MUC22: variants seen among roughly 807,000 people sequenced by gnomAD.
MUC22 encodes mucin-22.
MUC22 carries 24 observed loss-of-function variants against 40.3 expected under a neutral mutation model. The ratio of observed to expected loss-of-function variants is 0.60; its 90% CI spans 0.43 to 0.84. The LOEUF is 0.84. Among genes scored for constraint, MUC22 ranks in the 40% least tolerant of loss-of-function variants. The pLI, the probability that MUC22 is intolerant of heterozygous loss-of-function variation, is 0.00. For missense variants in MUC22, 1,926 were observed against 2,130.7 expected, an observed-to-expected ratio of 0.90 and a Z score of 1.89; for synonymous variants, 765 against 844.5, an observed-to-expected ratio of 0.91 and a Z score of 1.63.
intron 1 of MUC22, among the ~76,000 whole-genome samples, chr6:31,013,515 G>A (rs1047106710): frequency 6.6e-5 from 10 of 152,068 alleles, no homozygotes; most frequent in Admixed American, 3.3e-4. Flanking sequence ...TATTGTATTA[G>A]GTAATGGATG....
exon 2 of MUC22, chr6:31,029,350 A>G: frequency 6.5e-7 from 1 of 1,534,910 alleles, no homozygotes; most frequent in Non-Finnish European, 8.7e-7. Context: ...TGAGACTACC[A>G]CCACCTCTAC....
At chr6:31,014,851 ACAGT>A (rs1359411904) in intron 1 of MUC22, among the ~76,000 whole-genome samples, 1 of 152,174 alleles carries the variant, frequency 6.6e-6, no homozygotes. Flanking sequence ...ATTTTATGAT[ACAGT>A]CAGTCAAAGT....
At position 31,027,769 on chromosome 6, in the gene MUC22, A is replaced by G. The variant is rs1285134554; in HGVS notation, c.2338A>G (p.Thr780Ala). The change falls in exon 2 of 4, where the codon ACT (threonine) becomes GCT (alanine). Residue 780 changes from threonine (T) to alanine (A), a missense_variant. This residue lies in a region of MUC22 where 1,281 missense variants were observed against 1,337.8 expected (regional missense o/e 0.96). Transcript: ENST00000561890. ...AGGCTCTGAGATGACCACAGTCTCT[A>G]CTGAAGGCTCTGAGAACACTACAGT... is the stretch of plus-strand genomic sequence containing the variant. The G allele has an allele frequency of 8.5e-6, 13 of 1,531,766 alleles. 1 individual carries two copies. In the East Asian group the frequency reaches 3.0e-4, roughly 35 times the overall value. The allele number at this position is 1,531,766 out of a possible 1,614,324, so 94.9% of individuals were successfully genotyped here.
At chr6:31,010,858 G>T in intron 1 of MUC22, 82 bp downstream of exon 1, 1 of 662,284 alleles carries the variant, frequency 1.5e-6, no homozygotes, top group Non-Finnish European at 2.7e-6. Context: ...CCCTGCCCAG[G>T]CATGACTCTT....
chr6:31,020,489 G>A lies in MUC22; in HGVS notation c.71-5013G>A, dbSNP rs528091199. 6.8e-5 allele frequency among the ~76,000 whole-genome samples: 9 copies of A among 132,210 alleles called. No homozygotes were observed. In the South Asian group the frequency reaches 2.1e-3, roughly 31 times the overall value. 86.7% of individuals were successfully genotyped at this position (132,210 alleles called of 152,430 possible). Reference sequence around the variant, plus strand: ...ACGGAGTTTCGCTCTTGTTGCCCCAGGCTGGAGCGTAATGGCACGATCTTG... The same window carrying A: ...ACGGAGTTTCGCTCTTGTTGCCCCAAGCTGGAGCGTAATGGCACGATCTTG... On this transcript the variant is annotated intron_variant, in intron 1 of 3. Transcript: ENST00000561890.
rs1202966849 is a variant in MUC22 at position 31,010,777 on chromosome 6, G to GT, written c.70+2dup. ...CTTCTCTTTGGACTTCTGGGACCCA[G>GT]TAAGTGACTTAGCAGTTAAGGAGGG... On this transcript the variant is annotated splice_donor_variant, in intron 1 of 3. Coordinates refer to ENST00000561890, the Ensembl canonical transcript of MUC22. LOFTEE classifies it high-confidence loss of function. The GT allele has an allele frequency of 1.4e-6, 1 of 702,532 alleles. No homozygotes were observed. The highest frequency in any genetic ancestry group is 1.5e-5 in the South Asian group (1 of 67,592). 43.5% of individuals were successfully genotyped at this position (702,532 alleles called of 1,614,324 possible).
At chr6:31,027,606 C>G (rs1252843550) in exon 2 of MUC22, 1 of 1,526,864 alleles carries the variant, frequency 6.5e-7, no homozygotes, top group Non-Finnish European at 8.8e-7. Context: ...GCTCTGAGAC[C>G]AAAACAGCCT....
At chr6:31,028,680 G>C in exon 2 of MUC22, 1 of 1,532,308 alleles carries the variant, frequency 6.5e-7, no homozygotes, top group Non-Finnish European at 8.7e-7. Flanking sequence ...CAGGCTCTGA[G>C]ACCATCCCAG....
At chr6:31,027,083 T>G in exon 2 of MUC22, 1 of 1,493,372 alleles carries the variant, frequency 6.7e-7, no homozygotes, top group East Asian at 2.5e-5. Context: ...GCATCCACCA[T>G]GGGCTCTGAG....
intron 1 of MUC22, among the ~76,000 whole-genome samples, chr6:31,022,894 C>T (rs1764982982): frequency 2.0e-5 from 3 of 152,286 alleles, no homozygotes; most frequent in African/African-American, 7.2e-5. Flanking sequence ...CTTTGGGAGG[C>T]TGAGGCAGGT....
chr6:31,022,851 A>G (rs1490680503), intron 1 of MUC22, among the ~76,000 whole-genome samples: 2 of 152,182 alleles, frequency 1.3e-5, no homozygotes, highest in Non-Finnish European at 2.9e-5. Flanking sequence ...GACTCAGGTC[A>G]TGGTGCAGCG....
chr6:31,016,070 GT>G lies in MUC22; in HGVS notation c.70+5305del, dbSNP rs200808200. Among the ~76,000 whole-genome samples the G allele has an allele frequency of 4.2e-3, 565 of 134,372 alleles. 6 individuals are homozygous for G. The highest frequency in any genetic ancestry group is 9.3e-3 in the African/African-American group (343 of 36,844). The allele number at this position is 134,372 out of a possible 152,430, so 88.2% of individuals were successfully genotyped here. A position where few individuals can be genotyped will look rare whatever the true frequency, so the allele number is the denominator to read the frequency against. On this transcript the variant is annotated intron_variant, in intron 1 of 3. Transcript: ENST00000561890. ...TCAAATCCTTCTAGTGAATTTTGAG[GT>G]TTTTTTTTTTCAAAGAGATCTTTTT...
At chr6:31,018,388 A>G (rs1322731404) in intron 1 of MUC22, among the ~76,000 whole-genome samples, 2 of 152,160 alleles carry the variant, frequency 1.3e-5, no homozygotes, top group Non-Finnish European at 2.9e-5. Flanking sequence ...CAATTCCCGA[A>G]TCTTTCCAGG....
chr6:31,032,382 G>T lies in MUC22; in HGVS notation c.4856G>T (p.Gly1619Val). The change falls in exon 3 of 4, where the codon GGA becomes GTA. Residue 1619 changes from glycine to valine, a missense_variant. Gly to Val is a moderately radical substitution (Grantham distance 109, BLOSUM62 -3). This residue lies in a region of MUC22 where 610 missense variants were observed against 714.6 expected (regional missense o/e 0.85). Coordinates refer to ENST00000561890, the Ensembl canonical transcript of MUC22. The surrounding 1 kb of genome is among the most constrained non-coding windows in gnomAD (Gnocchi z 4.1). Reference sequence around the variant, plus strand: ...GCCCACGGCGTCAGGACCACCACAGGATCCACCCGTGAGCCAACCAGCAGC... The same window carrying T: ...GCCCACGGCGTCAGGACCACCACAGTATCCACCCGTGAGCCAACCAGCAGC... 6.5e-7 allele frequency: 1 copy of T among 1,535,686 alleles called. No individual in the cohort carries two copies.
Position 31,026,402 on chromosome 6 carries a change from G to A in MUC22, c.971G>A (p.Gly324Glu), listed in dbSNP as rs761435644. 12 of 1,506,530 alleles carry A rather than the reference G, an allele frequency of 8.0e-6. 1 individual carries two copies. Among genetic ancestry groups the A allele is most frequent in the South Asian group, 4.9e-5 (4 of 82,036 alleles). The allele number at this position is 1,506,530 out of a possible 1,614,324, so 93.3% of individuals were successfully genotyped here. The change falls in exon 2 of 4, where the codon GGA (glycine) becomes GAA (glutamate). Residue 324 changes from glycine to glutamate, a missense_variant. By Grantham distance (98) the Gly-to-Glu change is moderately conservative. Coordinates refer to ENST00000561890, the Ensembl canonical transcript of MUC22. Reference sequence around the variant, plus strand: ...GAGATCACCACCACCTCTACGGCAGGATCCGAGAACACCACAGTCTCTAGT... The same window carrying A: ...GAGATCACCACCACCTCTACGGCAGAATCCGAGAACACCACAGTCTCTAGT...
chr6:31,017,087 G>A (rs1321535711), intron 1 of MUC22, among the ~76,000 whole-genome samples: 8 of 152,238 alleles, frequency 5.3e-5, no homozygotes, highest in African/African-American at 1.7e-4. Flanking sequence ...CCCCCACGCC[G>A]CCATGGGCTC....
At chr6:31,028,762 G>A (rs1263859599) in exon 2 of MUC22, 1 of 1,528,934 alleles carries the variant, frequency 6.5e-7, no homozygotes, top group Non-Finnish European at 8.7e-7. Flanking sequence ...AGCCTCTACT[G>A]AAGGCTCTGA....
exon 2 of MUC22, chr6:31,028,856 G>A: frequency 2.0e-6 from 3 of 1,532,104 alleles, no homozygotes; most frequent in Non-Finnish European, 2.6e-6. Context: ...TCTACTGAAG[G>A]CTCTGAGACT....
rs138986783 is a variant in MUC22 at position 31,018,637 on chromosome 6, T to C, written c.71-6865T>C. Among the ~76,000 whole-genome samples, 1,412 of 152,396 alleles carry C rather than the reference T, an allele frequency of 9.3e-3. 14 individuals carry two copies. Among genetic ancestry groups the C allele is most frequent in the South Asian group, 0.057 (274 of 4,828 alleles). ...GAAATCCGTAAGCCTCCATATATAC[T>C]TATTCTTTTATTCATTCCAATTGGG... On this transcript the variant is annotated intron_variant, in intron 1 of 3. Coordinates refer to ENST00000561890, the Ensembl canonical transcript of MUC22.
Sources: allele counts gnomAD v4.1 joint callset (sites outside exome capture counted in the v4.1 genomes callset), GRCh38; gene constraint gnomAD v4.1.1; regional missense constraint gnomAD v4.1.1; non-coding constraint Gnocchi (gnomAD v3.1); transcripts MANE v1.5; gene names NCBI Gene and HGNC (gene_info 2026-07-23, HGNC 2026-07-21).